Variants in PDE8A observed in about 807,000 individuals in gnomAD.
PDE8A encodes high affinity cAMP-specific and IBMX-insensitive 3',5'-cyclic phosphodiesterase 8A.
Under a neutral mutation model 105.0 loss-of-function variants are expected in PDE8A, and 59 were observed. The observed-to-expected ratio is 0.56, with a 90% confidence interval of 0.46 to 0.70. The LOEUF is 0.70. PDE8A is among the 30% of genes least tolerant of loss of function. The probability of loss-of-function intolerance (pLI) is 0.00; values close to 1 mark genes in which losing one functional copy is unlikely to be tolerated. For synonymous variants in PDE8A, 355 were observed against 371.9 expected (o/e 0.95, Z 0.52); for missense variants, 1,014 against 1,045.9 (o/e 0.97, Z 0.42).
chr15:85,117,564 G>T, intron 16 of PDE8A, 77 bp from the exon 17 acceptor site: 1 of 1,250,104 alleles, frequency 8.0e-7, no homozygotes, highest in Non-Finnish European at 1.2e-6. Flanking sequence ...AATTTGGCTT[G>T]GAACCTATTC....
chr15:85,112,779 C>T (rs542180067), intron 12 of PDE8A, among the ~76,000 whole-genome samples: 3 of 152,298 alleles, frequency 2.0e-5, no homozygotes, highest in African/African-American at 7.2e-5. Flanking sequence ...GGCTTCTCCT[C>T]ACCCCAAAGG....
In PDE8A at chr15:84,985,606, T is replaced by C. The variant is rs80191321; in HGVS notation, c.186+3258T>C. On this transcript the variant is annotated intron_variant, in intron 1 of 21. Coordinates refer to ENST00000394553, the MANE Select transcript of PDE8A (RefSeq NM_002605.3). ...TTGCAAACACCCACTGCACTGCTAATGATTGATGCTCCCCACACCCCAACT... is the reference window on the plus strand; with the variant it reads ...TTGCAAACACCCACTGCACTGCTAACGATTGATGCTCCCCACACCCCAACT... Among the ~76,000 whole-genome samples the C allele has an allele frequency of 2.6e-5, 4 of 152,212 alleles. No individual in the cohort carries two copies. The East Asian group carries it at 7.7e-4, about 29-fold the overall frequency.
rs865924081 is a variant in PDE8A, at chr15:85,100,169, C to T, written c.1007C>T (p.Ser336Phe). 1 of 1,613,776 alleles carries T rather than the reference C, an allele frequency of 6.2e-7. No homozygotes were observed. Among genetic ancestry groups the T allele is most frequent in the Admixed American group, 1.7e-5 (1 of 60,004 alleles). The change falls in exon 11 of 22, where the codon TCC (serine) becomes TTC (phenylalanine). Residue 336 changes from serine to phenylalanine, a missense_variant. Transcript: ENST00000394553. ...CNGNNKAEKI[S>F]ECVQSDTHTD... ...ATTCACTTTTAGGCTGAGAAAATATCCGAATGTGTTCAGTCTGACACTCAT... is the reference window on the plus strand; with the variant it reads ...ATTCACTTTTAGGCTGAGAAAATATTCGAATGTGTTCAGTCTGACACTCAT...
At chr15:84,993,122 A>G (rs1175465526) in intron 1 of PDE8A, among the ~76,000 whole-genome samples, 1 of 152,246 alleles carries the variant, frequency 6.6e-6, no homozygotes, top group African/African-American at 2.4e-5. Flanking sequence ...AGTCATATTC[A>G]TTGTAGAAAA....
Position 85,091,175 on chromosome 15 carries a change from A to G in PDE8A, c.846A>G (p.Ile282Met). The G allele has an allele frequency of 6.2e-7, 1 of 1,602,452 alleles. No homozygotes were observed. The highest frequency in any genetic ancestry group is 1.7e-4 in the Middle Eastern group (1 of 5,990). The stretch of plus-strand genomic sequence containing the variant: ...ATACTATAAATTCATGCATCAGGAT[A>G]GGCAAGGTAAGTAAGAGGTCAGTGC... The part of the protein sequence containing the change: ...LLDTINSCIR[I>M]GKEWQGIYYA... Residue 282 changes from isoleucine to methionine, a missense_variant, in exon 8 of 22, where the codon ATA (isoleucine) becomes ATG (methionine). Ile to Met is a conservative substitution (Grantham distance 10, BLOSUM62 1). Transcript: ENST00000394553.
chr15:85,070,124 C>T (rs1188581047), intron 3 of PDE8A, among the ~76,000 whole-genome samples: 4 of 152,156 alleles, frequency 2.6e-5, no homozygotes, highest in South Asian at 2.1e-4. Flanking sequence ...CTGTCCTTCC[C>T]TTCATCTTCC....
chr15:85,136,158 C>T (rs928429840), intron 20 of PDE8A, among the ~76,000 whole-genome samples: 1 of 152,208 alleles, frequency 6.6e-6, no homozygotes, highest in Non-Finnish European at 1.5e-5. Flanking sequence ...TCTGTGGACT[C>T]TAGGCCAGTA....
Position 85,097,945 on chromosome 15 carries a change from T to C in PDE8A, c.853-3T>C, listed in dbSNP as rs376800471. The stretch of plus-strand genomic sequence containing the variant: ...TATGACGATGCTTACATTCCATTTA[T>C]AGGAGTGGCAAGGAATTTACTATGC... On this transcript the variant is annotated splice_polypyrimidine_tract_variant and splice_region_variant and intron_variant, in intron 8 of 21. Coordinates refer to ENST00000394553, the MANE Select transcript of PDE8A (RefSeq NM_002605.3). 14 of 1,500,140 alleles carry C rather than the reference T, an allele frequency of 9.3e-6. No individual in the cohort carries two copies. The highest frequency in any genetic ancestry group is 1.2e-5 in the Non-Finnish European group (13 of 1,076,858). 92.9% of individuals were successfully genotyped at this position (1,500,140 alleles called of 1,614,324 possible).
chr15:85,067,652 A>G (rs1383280999), intron 3 of PDE8A, among the ~76,000 whole-genome samples: 2 of 152,216 alleles, frequency 1.3e-5, no homozygotes, highest in Non-Finnish European at 2.9e-5. Flanking sequence ...CCTTTTAAAG[A>G]AAGTTATTTG....
At chr15:85,001,976 C>CTT (rs778192310) in intron 1 of PDE8A, among the ~76,000 whole-genome samples, 1 of 151,296 alleles carries the variant, frequency 6.6e-6, no homozygotes, top group Admixed American at 6.6e-5. Flanking sequence ...AAAATTCTAC[C>CTT]TTTTTTTTTA....
chr15:85,071,195 A>G (rs1310167782), intron 3 of PDE8A, among the ~76,000 whole-genome samples: 1 of 152,188 alleles, frequency 6.6e-6, no homozygotes, highest in Non-Finnish European at 1.5e-5. Flanking sequence ...TGAAGCTGAA[A>G]TACCAGTGGC....
At position 85,117,735 on chromosome 15, in the gene PDE8A, A is replaced by C. The variant is rs369741762; in HGVS notation, c.1630A>C (p.Ile544Leu). The change falls in exon 17 of 22, where the codon ATT (isoleucine) becomes CTT (leucine). Residue 544 changes from isoleucine (I) to leucine (L), a missense_variant. By Grantham distance (5) the Ile-to-Leu change is conservative (BLOSUM62 2). Transcript: ENST00000394553. ...SESTLRSWLQ[I>L]IEANYHSSNP... ...GTCAACGCTAAGATCATGGTTACAA[A>C]TTATCGAAGCCAATTATCATTCCTC... 1 of 1,614,006 alleles carries C rather than the reference A, an allele frequency of 6.2e-7. No individual in the cohort carries two copies.
upstream of PDE8A, among the ~76,000 whole-genome samples, chr15:84,981,034 G>A (rs1387111663): frequency 2.6e-5 from 4 of 152,194 alleles, no homozygotes; most frequent in Non-Finnish European, 4.4e-5. Context: ...TACCCCCAAA[G>A]GAGGTCTTTC....
chr15:85,046,555 G>C (rs1038359350), intron 1 of PDE8A, among the ~76,000 whole-genome samples: 8 of 152,252 alleles, frequency 5.3e-5, no homozygotes, highest in African/African-American at 1.9e-4. Context: ...TTTGGGTGTT[G>C]GGAATATAGT....
intron 1 of PDE8A, among the ~76,000 whole-genome samples, chr15:84,986,123 A>G (rs1455355862): frequency 6.6e-6 from 1 of 152,146 alleles, no homozygotes; most frequent in Non-Finnish European, 1.5e-5. Flanking sequence ...GATACTTGGG[A>G]GGCTGAGGTG....
intron 1 of PDE8A, among the ~76,000 whole-genome samples, chr15:85,033,355 A>G (rs1469142821): frequency 6.6e-6 from 1 of 152,194 alleles, no homozygotes; most frequent in Non-Finnish European, 1.5e-5. Flanking sequence ...GACAAGTAGT[A>G]CTTGTAGGGA....
intron 20 of PDE8A, among the ~76,000 whole-genome samples, chr15:85,132,485 G>C (rs1228285745): frequency 6.6e-6 from 1 of 152,210 alleles, no homozygotes; most frequent in East Asian, 1.9e-4. Context: ...TCAAATTTGA[G>C]ATGGAGTTTT....
At chr15:85,082,138 A>C (rs2081477088) in intron 5 of PDE8A, among the ~76,000 whole-genome samples, 1 of 152,002 alleles carries the variant, frequency 6.6e-6, no homozygotes, top group South Asian at 2.1e-4. Flanking sequence ...GGGTGTTCCC[A>C]TGGGGTCTTG....
At chr15:85,112,056 T>G (rs2082028523) in intron 12 of PDE8A, among the ~76,000 whole-genome samples, 2 of 151,730 alleles carry the variant, frequency 1.3e-5, no homozygotes, top group South Asian at 2.1e-4. Context: ...ACTTACTCAC[T>G]GTAAAAGAAG....
Sources: allele counts gnomAD v4.1 joint callset (sites outside exome capture counted in the v4.1 genomes callset), GRCh38; gene constraint gnomAD v4.1.1; transcripts MANE v1.5; gene names NCBI Gene and HGNC (gene_info 2026-07-23, HGNC 2026-07-21).